Variants in PTPRN2 observed in about 807,000 individuals in gnomAD.
The protein encoded by PTPRN2 is receptor-type tyrosine-protein phosphatase N2.
A neutral mutation model predicts 118.8 loss-of-function variants in PTPRN2; 74 were observed. The observed-to-expected ratio is 0.62, with a 90% CI of 0.52 to 0.76. The LOEUF (loss-of-function observed/expected upper bound fraction) is 0.76. PTPRN2 is among the 30% of genes least tolerant of loss of function. The probability of loss-of-function intolerance (pLI) is 0.00; values close to 1 mark genes in which losing one functional copy is unlikely to be tolerated. For missense variants in PTPRN2, 1,481 were observed against 1,394.4 expected (o/e 1.06, Z -0.99); for synonymous variants, 641 against 608.0 (o/e 1.05, Z -0.80).
At chr7:158,432,549 A>G (rs1816296629) in intron 2 of PTPRN2, among the ~76,000 whole-genome samples, 1 of 152,246 alleles carries the variant, frequency 6.6e-6, no homozygotes, top group Admixed American at 6.5e-5. Context: ...GTTTTCTGAG[A>G]CTATCAGTAA....
At chr7:158,146,159 ACAGT>A (rs1212919185) in intron 6 of PTPRN2, among the ~76,000 whole-genome samples, 1 of 152,190 alleles carries the variant, frequency 6.6e-6, no homozygotes, top group Non-Finnish European at 1.5e-5. Context: ...AGTGAGGAAC[ACAGT>A]CAGAGAGCCC....
At chr7:157,741,179 A>C (rs1378579356) in intron 12 of PTPRN2, among the ~76,000 whole-genome samples, 1 of 152,244 alleles carries the variant, frequency 6.6e-6, no homozygotes, top group Non-Finnish European at 1.5e-5. Context: ...TATGGAAAAG[A>C]GCCTGGCTCC....
intron 22 of PTPRN2, among the ~76,000 whole-genome samples, chr7:157,542,764 A>T (rs902254115): frequency 3.3e-5 from 5 of 152,034 alleles, no homozygotes; most frequent in African/African-American, 1.2e-4. Flanking sequence ...CTCAAAGGAG[A>T]AGCTCCACCG....
In PTPRN2 at chr7:158,522,050, G is replaced by A. The variant is rs112283502; in HGVS notation, c.113-32265C>T. On this transcript the variant is annotated intron_variant, in intron 1 of 22. Transcript: ENST00000389418. ...ACTGTCCGGGTAGTGGCTCAGGGGG[G>A]AGGTCCACGTCACAATGGTGGACTG... Among the ~76,000 whole-genome samples the A allele has an allele frequency of 2.3e-3, 122 of 52,554 alleles. 10 individuals are homozygous for A. The highest frequency in any genetic ancestry group is 5.2e-3 in the African/African-American group (56 of 10,856). 34.5% of individuals were successfully genotyped at this position (52,554 alleles called of 152,430 possible).
intron 2 of PTPRN2, among the ~76,000 whole-genome samples, chr7:158,330,001 A>G (rs62480866): frequency 1.7e-5 from 2 of 115,388 alleles, no homozygotes; most frequent in Non-Finnish European, 3.8e-5. Flanking sequence ...CCCGCAGACG[A>G]CACTCACACC....
chr7:157,766,488 C>T (rs1014667533), intron 12 of PTPRN2, among the ~76,000 whole-genome samples: 1 of 152,242 alleles, frequency 6.6e-6, no homozygotes, highest in Non-Finnish European at 1.5e-5. Context: ...CTTCCTCCAT[C>T]CATCCATTGA....
At chr7:157,702,859 T>A (rs1207234332) in intron 12 of PTPRN2, among the ~76,000 whole-genome samples, 2 of 152,200 alleles carry the variant, frequency 1.3e-5, no homozygotes, top group African/African-American at 4.8e-5. Flanking sequence ...CAGAAGGAGC[T>A]GAGGTCAGAA....
At position 158,122,009 on chromosome 7, in the gene PTPRN2, T is replaced by C. The variant is rs111666505; in HGVS notation, c.1557-11094A>G. ...CTGTCATTCCGAGGCCTGAACTTCCTTAGAAAGCAGTTGGACGTCATCCTG... is the reference window on the plus strand; with the variant it reads ...CTGTCATTCCGAGGCCTGAACTTCCCTAGAAAGCAGTTGGACGTCATCCTG... On this transcript the variant is annotated intron_variant, in intron 9 of 22. Coordinates refer to ENST00000389418, the MANE Select transcript of PTPRN2 (RefSeq NM_002847.5). 3.3e-3 allele frequency among the ~76,000 whole-genome samples: 503 copies of C among 152,312 alleles called. 5 individuals are homozygous for C. The highest frequency in any genetic ancestry group is 0.012 in the African/African-American group (482 of 41,566).
chr7:158,348,077 G>T (rs888687491), intron 2 of PTPRN2, among the ~76,000 whole-genome samples: 2 of 152,068 alleles, frequency 1.3e-5, no homozygotes, highest in South Asian at 4.1e-4. Flanking sequence ...CCAAACCACG[G>T]CCCCCTCCTA....
chr7:157,655,762 C>T (rs1055996442), intron 14 of PTPRN2, among the ~76,000 whole-genome samples: 1 of 152,148 alleles, frequency 6.6e-6, no homozygotes, highest in East Asian at 1.9e-4. Context: ...TAATAACACC[C>T]GGACATTCAT....
At chr7:158,145,724 T>C (rs1424849435) in intron 6 of PTPRN2, among the ~76,000 whole-genome samples, 9 of 152,182 alleles carry the variant, frequency 5.9e-5, no homozygotes, top group African/African-American at 2.2e-4. Context: ...ATCTGTAGGG[T>C]GTTAGCTCAC....
At chr7:158,196,563 G>A (rs554970398) in intron 4 of PTPRN2, among the ~76,000 whole-genome samples, 5 of 127,634 alleles carry the variant, frequency 3.9e-5, no homozygotes, top group East Asian at 4.4e-4. Flanking sequence ...GGCCAAACCC[G>A]TCTCTTCACT....
At chr7:158,330,624 G>A (rs867222163) in intron 2 of PTPRN2, among the ~76,000 whole-genome samples, 34 of 86,922 alleles carry the variant, frequency 3.9e-4, no homozygotes, top group African/African-American at 1.3e-3. Context: ...CTCACCATAA[G>A]AGGTGACATC....
intron 5 of PTPRN2, among the ~76,000 whole-genome samples, chr7:158,171,228 C>CACAT (rs1275305561): frequency 7.4e-6 from 1 of 135,464 alleles, no homozygotes; most frequent in Non-Finnish European, 1.5e-5. Flanking sequence ...CATATATACA[C>CACAT]ACATATATAT....
chr7:158,417,989 TAA>T (rs1213817583), intron 2 of PTPRN2, among the ~76,000 whole-genome samples: 15 of 150,796 alleles, frequency 9.9e-5, no homozygotes, highest in African/African-American at 3.4e-4. Context: ...CCCACTGTGT[TAA>T]GTCACGGTGT....
Position 158,455,774 on chromosome 7 carries a change from G to A in PTPRN2, c.163+33961C>T, listed in dbSNP as rs544294561. On this transcript the variant is annotated intron_variant, in intron 2 of 22. Transcript: ENST00000389418. ...AGAAGACAACGGCATGGACGCCATCGGCCATGGCCACCCATTACTCTGCAG... is the reference window on the plus strand; with the variant it reads ...AGAAGACAACGGCATGGACGCCATCAGCCATGGCCACCCATTACTCTGCAG... 4.1e-5 allele frequency among the ~76,000 whole-genome samples: 6 copies of A among 147,090 alleles called. No individual in the cohort carries two copies. The South Asian group carries it at 9.1e-4, about 22-fold the overall frequency.
rs1231852060 is a variant in PTPRN2 at position 158,427,959 on chromosome 7, CGGGGTCCGAGACCAGCCTAGCTG to C, written c.163+61753_163+61775del. On this transcript the variant is annotated intron_variant, in intron 2 of 22. Coordinates refer to ENST00000389418, the MANE Select transcript of PTPRN2 (RefSeq NM_002847.5). ...GGCCTGCGCACCGCCGGGAAAGACG[CGGGGTCCGAGACCAGCCTAGCTG>C]AGGCCTGCACAGCGCCGGGAAAGAC... is the stretch of plus-strand genomic sequence containing the variant. Among the ~76,000 whole-genome samples the C allele has an allele frequency of 1.2e-4, 14 of 118,602 alleles. 1 individual carries two copies. Among genetic ancestry groups the C allele is most frequent in the South Asian group, 1.2e-3 (4 of 3,454 alleles). 77.8% of individuals were successfully genotyped at this position (118,602 alleles called of 152,430 possible).
intron 17 of PTPRN2, among the ~76,000 whole-genome samples, chr7:157,593,222 C>T (rs1184293262): frequency 8.0e-5 from 11 of 138,348 alleles, no homozygotes; most frequent in East Asian, 2.2e-4. Context: ...ACCTACTGAA[C>T]CGAGGGTGGA....
intron 12 of PTPRN2, among the ~76,000 whole-genome samples, chr7:157,753,029 G>A (rs765448772): frequency 6.6e-6 from 1 of 152,260 alleles, no homozygotes; most frequent in Non-Finnish European, 1.5e-5. Context: ...CTGTGGTGTG[G>A]CTGTTCTCCA....
Sources: gnomAD v4.1 joint callset for allele counts (sites outside exome capture counted in the v4.1 genomes callset) on GRCh38, gnomAD v4.1.1 for gene constraint, MANE v1.5 for transcripts, NCBI Gene and HGNC (gene_info 2026-07-23, HGNC 2026-07-21) for gene names.